The following MAPRE2 variants were observed in gnomAD, a reference collection of about 807,000 sequenced individuals.
MAPRE2 encodes microtubule-associated protein RP/EB family member 2.
A neutral mutation model predicts 43.2 loss-of-function variants in MAPRE2; 13 were observed. The observed-to-expected ratio is 0.30, with a 90% CI of 0.20 to 0.48. MAPRE2 has a LOEUF of 0.48. MAPRE2 is among the 20% of genes least tolerant of loss of function. The pLI is 0.99. For missense variants in MAPRE2, 161 were observed against 400.2 expected (o/e 0.40, Z 5.10); for synonymous variants, 135 against 148.8 (o/e 0.91, Z 0.68).
chr18:34,988,756 C>T (rs1474894913), intron 1 of MAPRE2: 2 of 152,196 alleles, frequency 1.3e-5, no homozygotes, highest in Non-Finnish European at 1.5e-5. Flanking sequence ...TCCTCAGAAC[C>T]TTAAAGTTCT....
intron 1 of MAPRE2, among the ~76,000 whole-genome samples, chr18:34,990,523 C>T (rs573975226): frequency 2.0e-5 from 3 of 152,088 alleles, no homozygotes; most frequent in African/African-American, 7.2e-5. Flanking sequence ...CATTTTTTTT[C>T]ATTTAGAAAA....
At chr18:35,134,616 G>A (rs144061604) in intron 6 of MAPRE2, among the ~76,000 whole-genome samples, 2,212 of 152,290 alleles carry the variant, frequency 0.015, 31 homozygotes, top group South Asian at 0.043. Context: ...AGTACTAGTT[G>A]GGGAAAGCCT....
At chr18:35,092,004 A>T (rs1311448097) in intron 2 of MAPRE2, among the ~76,000 whole-genome samples, 1 of 152,194 alleles carries the variant, frequency 6.6e-6, no homozygotes, top group Non-Finnish European at 1.5e-5. Flanking sequence ...GGCACATCTT[A>T]CGTGGCTGGA....
At chr18:34,980,285 AAACT>A (rs1351814916) in intron 1 of MAPRE2, among the ~76,000 whole-genome samples, 1 of 152,036 alleles carries the variant, frequency 6.6e-6, no homozygotes, top group Non-Finnish European at 1.5e-5. Context: ...TCGGCCTCCC[AAACT>A]GCTGGGATTA....
intron 4 of MAPRE2, among the ~76,000 whole-genome samples, chr18:35,109,204 C>T (rs1909056300): frequency 6.6e-6 from 1 of 152,174 alleles, no homozygotes; most frequent in Admixed American, 6.5e-5. Context: ...TTCCCAGTAC[C>T]ATTTACTGAA....
chr18:35,041,479 G>A lies in MAPRE2; in HGVS notation c.-61G>A, dbSNP rs1333763632. On this transcript the variant is annotated 5_prime_UTR_variant, in exon 1 of 7. Transcript: ENST00000300249. ...GGAGCAGGCGAGCGAGCGGGAAGAC[G>A]CAGCCACCTTCCTCACCAGCCAGCC... The A allele has an allele frequency of 1.9e-6, 3 of 1,612,324 alleles. No individual in the cohort carries two copies. In the African/African-American group the frequency reaches 4.0e-5, roughly 22 times the overall value.
At position 35,101,932 on chromosome 18, in the gene MAPRE2, A is replaced by T. The variant is rs575506249; in HGVS notation, c.397-14A>T. 2.9e-5 allele frequency: 46 copies of T among 1,578,808 alleles called. No homozygotes were observed. Among genetic ancestry groups the T allele is most frequent in the Non-Finnish European group, 4.0e-5 (46 of 1,162,164 alleles). ...CGTGAGGTTTGTAACTCACATAGTG[A>T]TTTTTTATTGCAGGTAATTCCAGTG... On this transcript the variant is annotated splice_polypyrimidine_tract_variant and intron_variant, in intron 3 of 6. Coordinates refer to ENST00000300249, the MANE Select transcript of MAPRE2 (RefSeq NM_014268.4).
intron 1 of MAPRE2, among the ~76,000 whole-genome samples, chr18:35,048,264 A>G (rs1292753007): frequency 1.3e-5 from 2 of 152,172 alleles, no homozygotes; most frequent in Non-Finnish European, 2.9e-5. Flanking sequence ...TCATGAGGAC[A>G]GCATCGAGCT....
chr18:35,007,639 A>T (rs1361289212), intron 2 of MAPRE2, among the ~76,000 whole-genome samples: 1 of 152,234 alleles, frequency 6.6e-6, no homozygotes, highest in Non-Finnish European at 1.5e-5. Context: ...CATGATAGAT[A>T]ACAGAGATGG....
intron 6 of MAPRE2, among the ~76,000 whole-genome samples, chr18:35,132,431 G>T (rs1463632167): frequency 6.6e-6 from 1 of 152,212 alleles, no homozygotes; most frequent in African/African-American, 2.4e-5. Context: ...GGAAGGCTTT[G>T]ACAGAAAAAT....
intron 2 of MAPRE2, among the ~76,000 whole-genome samples, chr18:35,015,408 T>C (rs1278088695): frequency 6.6e-6 from 1 of 152,140 alleles, no homozygotes; most frequent in African/African-American, 2.4e-5. Flanking sequence ...TATCCTCATA[T>C]GTTCTACATG....
upstream of MAPRE2, chr18:35,041,334 C>G: frequency 2.1e-6 from 3 of 1,432,498 alleles, no homozygotes; most frequent in Non-Finnish European, 2.7e-6. Flanking sequence ...GCCACGTGAC[C>G]AGGGTGCTGC....
At chr18:35,018,623 A>G (rs185469231) in intron 2 of MAPRE2, among the ~76,000 whole-genome samples, 8 of 152,032 alleles carry the variant, frequency 5.3e-5, no homozygotes, top group African/African-American at 1.9e-4. Context: ...AGAGATGTTC[A>G]TAATAGCCTC....
At position 35,140,372 on chromosome 18, in the gene MAPRE2, C is replaced by T; in HGVS notation, c.*3C>T. On this transcript the variant is annotated 3_prime_UTR_variant, in exon 7 of 7. Transcript: ENST00000300249. ...CCCCGCAGCAGGAAGAGTACTGACC[C>T]ACCCCGGCTGCTCTTGACACTTCCA... 5.6e-6 allele frequency: 9 copies of T among 1,608,952 alleles called. No homozygotes were observed. Among genetic ancestry groups the T allele is most frequent in the Non-Finnish European group, 7.6e-6 (9 of 1,177,682 alleles).
chr18:35,049,962 T>A (rs909477741), intron 1 of MAPRE2, among the ~76,000 whole-genome samples: 54 of 152,230 alleles, frequency 3.5e-4, no homozygotes, highest in African/African-American at 1.3e-3. Context: ...AAGGCTTATT[T>A]ATCTGTTTTG....
intron 1 of MAPRE2, among the ~76,000 whole-genome samples, chr18:34,987,002 A>T (rs1272101726): frequency 6.6e-6 from 1 of 152,210 alleles, no homozygotes; most frequent in Non-Finnish European, 1.5e-5. Flanking sequence ...ATAATGAATT[A>T]AAAATGTCTT....
At chr18:35,128,930 C>T (rs566309544) in intron 5 of MAPRE2, among the ~76,000 whole-genome samples, 9 of 152,306 alleles carry the variant, frequency 5.9e-5, no homozygotes, top group African/African-American at 1.9e-4. Flanking sequence ...TAGGCTCCCG[C>T]TAGCTCTCCA....
At chr18:35,024,973 A>G (rs112416032) in intron 2 of MAPRE2, among the ~76,000 whole-genome samples, 24 of 152,344 alleles carry the variant, frequency 1.6e-4, no homozygotes, top group African/African-American at 5.8e-4. Flanking sequence ...ATTGGGAAAC[A>G]CTAGAGGGTT....
In MAPRE2 at chr18:35,083,626, A is replaced by C. The variant is rs1907742287; in HGVS notation, c.250+13304A>C. Among the ~76,000 whole-genome samples, 9 of 152,160 alleles carry C rather than the reference A, an allele frequency of 5.9e-5. 2 individuals carry two copies. In the South Asian group the frequency reaches 1.9e-3, roughly 32 times the overall value. On this transcript the variant is annotated intron_variant, in intron 2 of 6. Coordinates refer to ENST00000300249, the MANE Select transcript of MAPRE2 (RefSeq NM_014268.4). ...ACTTCTTCCTTCTTGGCTCCTCTGG[A>C]GAAGCCAAATCATATTTTACCAAGT...
Sources: gnomAD v4.1 joint callset for allele counts (sites outside exome capture counted in the v4.1 genomes callset) on GRCh38, gnomAD v4.1.1 for gene constraint, MANE v1.5 for transcripts, NCBI Gene and HGNC (gene_info 2026-07-23, HGNC 2026-07-21) for gene names.